The following ANKRD65 variants were observed in gnomAD, a reference collection of about 807,000 sequenced individuals.
The protein encoded by ANKRD65 is ankyrin repeat domain-containing protein 65.
Under a neutral mutation model 17.2 loss-of-function variants are expected in ANKRD65, and 26 were observed. That is an observed-to-expected ratio of 1.51 (90% CI 1.11 to 2.09). The LOEUF is 2.09. Ranked by LOEUF, ANKRD65 falls within the 30% of genes most tolerant of loss-of-function variation. The pLI is 0.00. For synonymous variants in ANKRD65, 311 were observed against 272.2 expected (o/e 1.14, Z -1.40); for missense variants, 621 against 542.2 (o/e 1.15, Z -1.44).
At chr1:1,419,621 C>G (rs1645508605) in intron 3 of ANKRD65, 72 bp from the exon 4 acceptor site, 1 of 1,353,918 alleles carries the variant, frequency 7.4e-7, no homozygotes, top group Non-Finnish European at 9.8e-7. Flanking sequence ...AGGCGTTTGC[C>G]CAGCCCAGGC....
chr1:1,420,702 A>G, intron 2 of ANKRD65, 95 bp downstream of exon 2: 1 of 895,408 alleles, frequency 1.1e-6, no homozygotes, highest in Non-Finnish European at 1.3e-6. Flanking sequence ...GTCCTACCCC[A>G]TCCAGAGAAG....
chr1:1,420,541 C>G lies in ANKRD65; in HGVS notation c.261G>C (p.Ala87=). 7.6e-7 allele frequency: 1 copy of G among 1,317,032 alleles called. No individual in the cohort carries two copies. Among genetic ancestry groups the G allele is most frequent in the East Asian group, 3.0e-5 (1 of 33,424 alleles). 81.6% of individuals were successfully genotyped at this position (1,317,032 alleles called of 1,614,324 possible). The part of the protein sequence containing the change: ...PLHLAVLRGH[A]PLVRLLLQRG... Reference sequence around the variant, plus strand: ...GCTGCAGCAGGAGACGCACCAGGGGCGCGTGGCCCCGCAGCACGGCCAGGT... The same window carrying G: ...GCTGCAGCAGGAGACGCACCAGGGGGGCGTGGCCCCGCAGCACGGCCAGGT... Residue 87 remains alanine, a synonymous_variant, in exon 3 of 4, where the codon GCG becomes GCC. Transcript: ENST00000537107.
In ANKRD65 at chr1:1,419,120, C is replaced by T. The variant is rs539083090; in HGVS notation, c.1180G>A (p.Gly394Ser). 4.5e-5 allele frequency: 68 copies of T among 1,519,344 alleles called. No individual in the cohort carries two copies. Among genetic ancestry groups the T allele is most frequent in the Non-Finnish European group, 5.7e-5 (64 of 1,127,384 alleles). The allele number at this position is 1,519,344 out of a possible 1,614,324, so 94.1% of individuals were successfully genotyped here. A position where few individuals can be genotyped will look rare whatever the true frequency, so the allele number is the denominator to read the frequency against. The part of the protein sequence containing the change: ...ELGGGEKECE[G>S]IESTG ...CTGGCTCAGCCCGTGGACTCTATGC[C>T]CTCACACTCCTTCTCCCCCCCTCCA... Residue 394 changes from glycine to serine, a missense_variant, in exon 4 of 4, where the codon GGC (glycine) becomes AGC (serine). By Grantham distance (56) the Gly-to-Ser change is moderately conservative. Coordinates refer to ENST00000537107, the MANE Select transcript of ANKRD65 (RefSeq NM_001145210.3).
chr1:1,420,871 C>T lies in ANKRD65; in HGVS notation c.135G>A (p.Leu45=). ...CAGGGCCCCTCCACACGGCCTGGAG[C>T]AGGTGCCCCCAGCCCTGGACAACAC... ...GPSVVQGWGH[L]LQAVWRGPAG... The change falls in exon 2 of 4, where the codon CTG becomes CTA. Residue 45 remains leucine (L), a synonymous_variant. Transcript: ENST00000537107. 1 of 1,550,180 alleles carries T rather than the reference C, an allele frequency of 6.5e-7. No homozygotes were observed. The highest frequency in any genetic ancestry group is 8.7e-7 in the Non-Finnish European group (1 of 1,146,956).
intron 3 of ANKRD65, 36 bp from the exon 4 acceptor site, chr1:1,419,585 C>T (rs1401168558): frequency 7.4e-6 from 11 of 1,483,648 alleles, no homozygotes; most frequent in Non-Finnish European, 9.0e-6. Context: ...CCGGCCTCAG[C>T]CCGGTAGGCG....
chr1:1,420,092 GCC>G lies in ANKRD65; in HGVS notation c.708_709del (p.Ala237HisfsTer16). ...GGCGGCCGCCAGACCCAGCGCTGTG[GCC>G]CCCGCGCCATCCCGGGCGTCCACCC... On this transcript the variant is annotated frameshift_variant, in exon 3 of 4. Coordinates refer to ENST00000537107, the MANE Select transcript of ANKRD65 (RefSeq NM_001145210.3). LOFTEE classifies it low-confidence loss of function (END_TRUNC). 7.8e-7 allele frequency: 1 copy of G among 1,282,420 alleles called. No individual in the cohort carries two copies. 79.4% of individuals were successfully genotyped at this position (1,282,420 alleles called of 1,614,324 possible).
intron 3 of ANKRD65, 93 bp from the exon 4 acceptor site, chr1:1,419,642 C>A: frequency 1.7e-6 from 2 of 1,192,300 alleles, no homozygotes; most frequent in Non-Finnish European, 1.1e-6. Context: ...CTCTTCTGTC[C>A]CCGCAGCGGC....
In ANKRD65 at chr1:1,419,569, C is replaced by G. The variant is rs1429549148; in HGVS notation, c.751-20G>C. 6.6e-7 allele frequency: 1 copy of G among 1,504,092 alleles called. No individual in the cohort carries two copies. Among genetic ancestry groups the G allele is most frequent in the Non-Finnish European group, 8.9e-7 (1 of 1,126,486 alleles). 93.2% of individuals were successfully genotyped at this position (1,504,092 alleles called of 1,614,324 possible). ...AATGTCCTAGAAGAGGAGAGAAAAG[C>G]AGGGGCCGGCCTCAGCCCGGTAGGC... On this transcript the variant is annotated intron_variant, in intron 3 of 3. Coordinates refer to ENST00000537107, the MANE Select transcript of ANKRD65 (RefSeq NM_001145210.3).
chr1:1,420,512 C>T lies in ANKRD65; in HGVS notation c.290G>A (p.Gly97Glu). 7.8e-7 allele frequency: 1 copy of T among 1,276,700 alleles called. No homozygotes were observed. Among genetic ancestry groups the T allele is most frequent in the South Asian group, 3.0e-5 (1 of 33,592 alleles). 79.1% of individuals were successfully genotyped at this position (1,276,700 alleles called of 1,614,324 possible). A position where few individuals can be genotyped will look rare whatever the true frequency, so the allele number is the denominator to read the frequency against. Reference sequence around the variant, plus strand: ...CCGGTCCACCGCGCCCACCGGGGCCCCTCGCTGCAGCAGGAGACGCACCAG... The same window carrying T: ...CCGGTCCACCGCGCCCACCGGGGCCTCTCGCTGCAGCAGGAGACGCACCAG... Reference protein sequence around the residue: ...APLVRLLLQRGAPVGAVDRAG... With the variant: ...APLVRLLLQREAPVGAVDRAG... Residue 97 changes from glycine (G) to glutamate (E), a missense_variant, in exon 3 of 4, where the codon GGG (glycine) becomes GAG (glutamate). Transcript: ENST00000537107.
Position 1,419,297 on chromosome 1 carries a change from G to A in ANKRD65, c.1003C>T (p.Arg335Ter), listed in dbSNP as rs1023854707. The part of the protein sequence containing the change: ...GAQVDATGWL[R>*]KTPLHLAAER... ...GCAGCCAGGTGTAGGGGGGTCTTTC[G>A]GAGCCAGCCGGTAGCATCCACCTGG... Residue 335 changes from arginine to a stop codon, truncating the protein, a stop_gained, in exon 4 of 4, where the codon CGA (arginine) becomes TGA (stop). Coordinates refer to ENST00000537107, the MANE Select transcript of ANKRD65 (RefSeq NM_001145210.3). LOFTEE classifies it low-confidence loss of function (END_TRUNC). 6.5e-6 allele frequency: 10 copies of A among 1,550,352 alleles called. No homozygotes were observed. The highest frequency in any genetic ancestry group is 2.4e-5 in the East Asian group (1 of 40,918).
chr1:1,420,329 C>A lies in ANKRD65; in HGVS notation c.473G>T (p.Arg158Leu). Residue 158 changes from arginine to leucine, a missense_variant, in exon 3 of 4, where the codon CGC becomes CTC. Physicochemically the swap from Arg to Leu is moderately radical, Grantham distance 102. Transcript: ENST00000537107. ...AALGHTLLAA[R>L]LLEAPGPGPA... ...TCCCGGGCCCGGAGCCTCCAGCAGGCGCGCGGCCAGCAGCGTGTGGCCCAG... is the reference window on the plus strand; with the variant it reads ...TCCCGGGCCCGGAGCCTCCAGCAGGAGCGCGGCCAGCAGCGTGTGGCCCAG... 2 of 1,132,262 alleles carry A rather than the reference C, an allele frequency of 1.8e-6. No homozygotes were observed. Among genetic ancestry groups the A allele is most frequent in the South Asian group, 3.2e-5 (1 of 30,854 alleles). The allele number at this position is 1,132,262 out of a possible 1,614,324, so 70.1% of individuals were successfully genotyped here. A position where few individuals can be genotyped will look rare whatever the true frequency, so the allele number is the denominator to read the frequency against.
chr1:1,418,539 A>G lies in ANKRD65; in HGVS notation c.*561T>C, dbSNP rs1645484340. 6.6e-6 allele frequency: 1 copy of G among 152,160 alleles called. No individual in the cohort carries two copies. The allele number at this position is 152,160 out of a possible 1,614,324, so 9.4% of individuals were successfully genotyped here. On this transcript the variant is annotated 3_prime_UTR_variant, in exon 4 of 4. Transcript: ENST00000537107. ...GGGCTCACAACACCGAAGATTTCAC[A>G]TGAAAGGGTCGTCATTGATTTGAGC...
rs954298752 is a variant in ANKRD65, at chr1:1,421,199, G to A, written c.-67C>T. 1.5e-5 allele frequency: 9 copies of A among 597,464 alleles called. No homozygotes were observed. The highest frequency in any genetic ancestry group is 4.4e-4 in the Middle Eastern group (1 of 2,250). The allele number at this position is 597,464 out of a possible 1,614,324, so 37.0% of individuals were successfully genotyped here. A position where few individuals can be genotyped will look rare whatever the true frequency, so the allele number is the denominator to read the frequency against. On this transcript the variant is annotated 5_prime_UTR_variant, in exon 1 of 4. Coordinates refer to ENST00000537107, the MANE Select transcript of ANKRD65 (RefSeq NM_001145210.3). ...TCCTCTGTAGACGGGTTCTGGCCGA[G>A]GCTCAGCCTGGTGACCCTCTTCACA...
In ANKRD65 at chr1:1,420,235, C is replaced by T. The variant is rs1320036354; in HGVS notation, c.567G>A (p.Arg189=). The T allele has an allele frequency of 1.0e-6, 1 of 990,030 alleles. No individual in the cohort carries two copies. The highest frequency in any genetic ancestry group is 1.2e-6 in the Non-Finnish European group (1 of 834,718). 61.3% of individuals were successfully genotyped at this position (990,030 alleles called of 1,614,324 possible). ...CCGCCAGCAGCTCCAGCACCGCCAG[C>T]CGCCCGCCCGCGGCCGCCCAGTGCG... ...TAAHWAAAGG[R]LAVLELLAAG... is the part of the protein sequence containing the mutation. The change falls in exon 3 of 4, where the codon CGG becomes CGA. Residue 189 remains arginine (R), a synonymous_variant. Transcript: ENST00000537107.
chr1:1,420,782 C>G lies in ANKRD65; in HGVS notation c.209+15G>C, dbSNP rs751965775. 12 of 1,540,842 alleles carry G rather than the reference C, an allele frequency of 7.8e-6. No individual in the cohort carries two copies. Among genetic ancestry groups the G allele is most frequent in the Non-Finnish European group, 1.1e-5 (12 of 1,142,600 alleles). The stretch of plus-strand genomic sequence containing the variant: ...CCCAGAGAAGGGACCCCTTCACCCC[C>G]CAGCGCAGGTGCACCTCTCCTCCAC... On this transcript the variant is annotated intron_variant, in intron 2 of 3. Coordinates refer to ENST00000537107, the MANE Select transcript of ANKRD65 (RefSeq NM_001145210.3).
rs543842989 is a variant in ANKRD65, at chr1:1,419,346, G to A, written c.954C>T (p.Ala318=). The change falls in exon 4 of 4, where the codon GCC becomes GCT. Residue 318 remains alanine (A), a synonymous_variant. Coordinates refer to ENST00000537107, the MANE Select transcript of ANKRD65 (RefSeq NM_001145210.3). ...HASREGHVEV[A]GCLLDRGAQV... Reference sequence around the variant, plus strand: ...GGGCACCCCTGTCCAGCAGGCAGCCGGCAACCTCCACGTGGCCTTCCCGAG... The same window carrying A: ...GGGCACCCCTGTCCAGCAGGCAGCCAGCAACCTCCACGTGGCCTTCCCGAG... The A allele has an allele frequency of 1.9e-4, 298 of 1,550,172 alleles. No individual in the cohort carries two copies. The highest frequency in any genetic ancestry group is 2.4e-4 in the Non-Finnish European group (279 of 1,146,858).
chr1:1,418,503 GT>G lies in ANKRD65; in HGVS notation c.*596del, dbSNP rs1271515820. On this transcript the variant is annotated 3_prime_UTR_variant, in exon 4 of 4. Coordinates refer to ENST00000537107, the MANE Select transcript of ANKRD65 (RefSeq NM_001145210.3). ...CGAGCTCCCCAAGTGCACAATTTCTGTCCCTTTTAAGGGCTCACAACACCGA... is the reference window on the plus strand; with the variant it reads ...CGAGCTCCCCAAGTGCACAATTTCTGCCCTTTTAAGGGCTCACAACACCGA... 1 of 152,230 alleles carries G rather than the reference GT, an allele frequency of 6.6e-6. No homozygotes were observed. The highest frequency in any genetic ancestry group is 1.5e-5 in the Non-Finnish European group (1 of 68,048). The allele number at this position is 152,230 out of a possible 1,614,324, so 9.4% of individuals were successfully genotyped here.
In ANKRD65 at chr1:1,420,831, G is replaced by A. The variant is rs1316110821; in HGVS notation, c.175C>T (p.Gln59Ter). The A allele has an allele frequency of 6.5e-7, 1 of 1,549,076 alleles. No homozygotes were observed. Reference protein sequence around the residue: ...VWRGPAGLVTQLLRQGASVEE... With the variant: ...VWRGPAGLVT ...ACGCTGGCACCTTGCCGCAGCAGCT[G>A]CGTCACCAGGCCTGCAGGGCCCCTC... The change falls in exon 2 of 4, where the codon CAG becomes TAG. Residue 59 changes from glutamine (Q) to a stop codon, truncating the protein, a stop_gained. Transcript: ENST00000537107. LOFTEE classifies it high-confidence loss of function.
intron 3 of ANKRD65, among the ~76,000 whole-genome samples, chr1:1,419,819 C>T (rs1037331475): frequency 3.9e-5 from 6 of 152,312 alleles, no homozygotes; most frequent in Admixed American, 2.0e-4. Context: ...AGGCCCGGCG[C>T]TGGCGGAGAG....
Sources: allele counts gnomAD v4.1 joint callset (sites outside exome capture counted in the v4.1 genomes callset), GRCh38; gene constraint gnomAD v4.1.1; transcripts MANE v1.5; gene names NCBI Gene and HGNC (gene_info 2026-07-23, HGNC 2026-07-21).